SCAPER: variants seen among roughly 807,000 people sequenced by gnomAD.
SCAPER encodes S-phase cyclin A associated protein in the ER.
A neutral mutation model predicts 182.2 loss-of-function variants in SCAPER; 98 were observed. The observed-to-expected ratio is 0.54, with a 90% CI of 0.46 to 0.64. The LOEUF (loss-of-function observed/expected upper bound fraction) is 0.64. Among genes scored for constraint, SCAPER ranks in the 30% least tolerant of loss-of-function variants. The probability of loss-of-function intolerance (pLI) is 0.00; values close to 1 mark genes in which losing one functional copy is unlikely to be tolerated. For missense variants in SCAPER, 1,432 were observed against 1,690.0 expected, an observed-to-expected ratio of 0.85 and a Z score of 2.68; for synonymous variants, 605 against 564.6, an observed-to-expected ratio of 1.07 and a Z score of -1.01.
At chr15:76,674,236 C>G (rs776235884) in intron 20 of SCAPER, among the ~76,000 whole-genome samples, 1 of 151,992 alleles carries the variant, frequency 6.6e-6, no homozygotes, top group Non-Finnish European at 1.5e-5. Context: ...ATAGCTGATA[C>G]GTCAATACCA....
At chr15:76,556,946 G>A (rs546752507) in intron 23 of SCAPER, among the ~76,000 whole-genome samples, 4 of 152,178 alleles carry the variant, frequency 2.6e-5, no homozygotes, top group Middle Eastern at 6.8e-3. Context: ...AAAAATCAGA[G>A]GCATTTTTAT....
chr15:76,841,955 A>AAAAT, intron 4 of SCAPER, 24 bp from the exon 5 acceptor site: 1 of 1,581,910 alleles, frequency 6.3e-7, no homozygotes, highest in Non-Finnish European at 8.6e-7. Flanking sequence ...ATAAAACATG[A>AAAAT]AAATAAATAA....
chr15:76,464,732 G>T (rs1331042807), intron 25 of SCAPER, among the ~76,000 whole-genome samples: 2 of 152,098 alleles, frequency 1.3e-5, no homozygotes, highest in Non-Finnish European at 2.9e-5. Context: ...ATCTATTCAA[G>T]ATCCCAATTT....
intron 24 of SCAPER, among the ~76,000 whole-genome samples, chr15:76,475,019 C>T (rs1216070667): frequency 6.6e-6 from 1 of 152,124 alleles, no homozygotes; most frequent in Non-Finnish European, 1.5e-5. Context: ...CAGATGTCAA[C>T]CAGCACCACT....
At chr15:76,734,394 A>T (rs1469536813) in intron 15 of SCAPER, among the ~76,000 whole-genome samples, 1 of 152,340 alleles carries the variant, frequency 6.6e-6, no homozygotes, top group East Asian at 1.9e-4. Context: ...TGTCTTTGAC[A>T]GCCACAGACT....
At chr15:76,702,138 G>C (rs2058988991) in intron 19 of SCAPER, among the ~76,000 whole-genome samples, 1 of 151,906 alleles carries the variant, frequency 6.6e-6, no homozygotes, top group South Asian at 2.1e-4. Flanking sequence ...ACTCCAGCTT[G>C]GGTGACAAAG....
At chr15:76,627,251 A>ATAT (rs1555509204) in intron 21 of SCAPER, among the ~76,000 whole-genome samples, 2 of 151,698 alleles carry the variant, frequency 1.3e-5, no homozygotes, top group Admixed American at 6.6e-5. Flanking sequence ...TATTTTACAA[A>ATAT]TCTCAGAAAT....
intron 23 of SCAPER, among the ~76,000 whole-genome samples, chr15:76,508,828 A>G (rs2143946297): frequency 6.6e-6 from 1 of 152,304 alleles, no homozygotes; most frequent in Non-Finnish European, 1.5e-5. Flanking sequence ...TGCTCCTTGT[A>G]TGGTCAATCC....
rs563042738 is a variant in SCAPER, at chr15:76,592,490, T to C, written c.2712-18206A>G. On this transcript the variant is annotated intron_variant, in intron 22 of 31. Coordinates refer to ENST00000563290, the MANE Select transcript of SCAPER (RefSeq NM_020843.4). ...TTTAGGCCCACAAACCCTAAAATAT[T>C]TACAACCTGGTCCTTTCTAAAAAAA... 1.6e-4 allele frequency among the ~76,000 whole-genome samples: 20 copies of C among 122,650 alleles called. 7 individuals are homozygous for C. In the South Asian group the frequency reaches 2.8e-3, roughly 17 times the overall value. 80.5% of individuals were successfully genotyped at this position (122,650 alleles called of 152,430 possible).
chr15:76,368,397 C>T (rs1443996784), intron 29 of SCAPER, among the ~76,000 whole-genome samples: 1 of 152,192 alleles, frequency 6.6e-6, no homozygotes, highest in African/African-American at 2.4e-5. Context: ...GGGAAACACC[C>T]GAGGTGAGTA....
intron 22 of SCAPER, among the ~76,000 whole-genome samples, chr15:76,615,316 A>G (rs1187806277): frequency 6.6e-6 from 1 of 151,568 alleles, no homozygotes; most frequent in East Asian, 1.9e-4. Flanking sequence ...TTGGTGGCAC[A>G]CTCCTGTAGT....
intron 14 of SCAPER, among the ~76,000 whole-genome samples, chr15:76,763,995 T>C (rs920888007): frequency 6.6e-6 from 1 of 152,214 alleles, no homozygotes; most frequent in African/African-American, 2.4e-5. Context: ...TTGTGTTCTC[T>C]TGGTGGTATC....
intron 23 of SCAPER, among the ~76,000 whole-genome samples, chr15:76,554,135 C>T (rs1488448208): frequency 6.6e-6 from 1 of 152,104 alleles, no homozygotes; most frequent in Non-Finnish European, 1.5e-5. Context: ...TAAGAAAGAA[C>T]CAAACTGATC....
At chr15:76,579,118 T>A (rs1398085469) in intron 22 of SCAPER, among the ~76,000 whole-genome samples, 1 of 151,756 alleles carries the variant, frequency 6.6e-6, no homozygotes, top group African/African-American at 2.4e-5. Context: ...TACAAAAAAT[T>A]AGCTGGGCAT....
At chr15:76,422,856 T>C (rs1158984308) in intron 26 of SCAPER, among the ~76,000 whole-genome samples, 3 of 152,234 alleles carry the variant, frequency 2.0e-5, no homozygotes, top group Non-Finnish European at 4.4e-5. Context: ...TCAAAGGCCT[T>C]TTCTGCATCT....
At chr15:76,685,971 A>T (rs1044539514) in intron 20 of SCAPER, among the ~76,000 whole-genome samples, 2 of 152,120 alleles carry the variant, frequency 1.3e-5, no homozygotes, top group Non-Finnish European at 1.5e-5. Flanking sequence ...ACTTCAAAAC[A>T]CTTAATGGAA....
At chr15:76,717,065 T>A (rs954022692) in intron 17 of SCAPER, among the ~76,000 whole-genome samples, 2 of 148,800 alleles carry the variant, frequency 1.3e-5, no homozygotes, top group Middle Eastern at 3.5e-3. Context: ...GGGATGTCCA[T>A]CAGAGTATCA....
chr15:76,646,855 C>T (rs2054591038), intron 21 of SCAPER, among the ~76,000 whole-genome samples: 1 of 152,134 alleles, frequency 6.6e-6, no homozygotes, highest in African/African-American at 2.4e-5. Flanking sequence ...TTCCCTCATC[C>T]CACTGCTTGG....
At chr15:76,692,405 A>C (rs1355698264) in intron 20 of SCAPER, among the ~76,000 whole-genome samples, 1 of 152,044 alleles carries the variant, frequency 6.6e-6, no homozygotes, top group African/African-American at 2.4e-5. Flanking sequence ...AAATAACATG[A>C]AGGCTGGGCG....
Sources: gnomAD v4.1 joint callset for allele counts (sites outside exome capture counted in the v4.1 genomes callset) on GRCh38, gnomAD v4.1.1 for gene constraint, MANE v1.5 for transcripts, NCBI Gene and HGNC (gene_info 2026-07-23, HGNC 2026-07-21) for gene names.